The following ITSN2 variants were observed in gnomAD, a reference collection of about 807,000 sequenced individuals.
ITSN2 encodes intersectin 2, also known as intersectin-2.
Under a neutral mutation model 243.7 loss-of-function variants are expected in ITSN2, and 156 were observed. That is an observed-to-expected ratio of 0.64 (90% CI 0.56 to 0.73). ITSN2 has a LOEUF of 0.73. Ranked by LOEUF, ITSN2 falls within the 30% of genes least tolerant of loss-of-function variation. The probability of loss-of-function intolerance (pLI) is 0.00; values close to 1 mark genes in which losing one functional copy is unlikely to be tolerated. For missense variants in ITSN2, 1,801 were observed against 1,996.1 expected (o/e 0.90, Z 1.86); for synonymous variants, 703 against 699.9 (o/e 1.00, Z -0.07).
At chr2:24,299,858 C>A in intron 12 of ITSN2, 51 bp downstream of exon 12, 2 of 1,423,496 alleles carry the variant, frequency 1.4e-6, no homozygotes, top group South Asian at 1.3e-5. Flanking sequence ...GAAATATAGT[C>A]ACTTATTAAA....
Position 24,208,257 on chromosome 2 carries a change from T to C in ITSN2, c.4658A>G (p.Lys1553Arg), listed in dbSNP as rs140221202. The change falls in exon 37 of 40, where the codon AAG (lysine) becomes AGG (arginine). Residue 1553 changes from lysine to arginine, a missense_variant. Coordinates refer to ENST00000355123, the MANE Select transcript of ITSN2 (RefSeq NM_006277.3). Reference sequence around the variant, plus strand: ...GATACCTTGGTAAGCTTTCTCACGCTTCTTCTTCTCGGTGTCGATGTACTG... The same window carrying C: ...GATACCTTGGTAAGCTTTCTCACGCCTCTTCTTCTCGGTGTCGATGTACTG... ...SEQYIDTEKK[K>R]REKAYQARSQ... 1.9e-6 allele frequency: 3 copies of C among 1,611,484 alleles called. No homozygotes were observed. The African/African-American group carries it at 4.0e-5, about 22-fold the overall frequency.
intron 1 of ITSN2, among the ~76,000 whole-genome samples, chr2:24,329,498 C>T (rs1685539348): frequency 6.6e-6 from 1 of 152,092 alleles, no homozygotes; most frequent in Non-Finnish European, 1.5e-5. Context: ...GTCTTGAACT[C>T]CTGAGCTCAA....
At position 24,261,747 on chromosome 2, in the gene ITSN2, G is replaced by C. The variant is rs372048773; in HGVS notation, c.2356-5C>G. 12 of 1,605,048 alleles carry C rather than the reference G, an allele frequency of 7.5e-6. No individual in the cohort carries two copies. The highest frequency in any genetic ancestry group is 1.1e-5 in the South Asian group (1 of 90,150). On this transcript the variant is annotated splice_region_variant and splice_polypyrimidine_tract_variant and intron_variant, in intron 20 of 39. Coordinates refer to ENST00000355123, the MANE Select transcript of ITSN2 (RefSeq NM_006277.3). ...TCCTACGGTTTTTTCATCAACCTAC[G>C]GAAATAAAAAGAAGGATTAACAGTG... is the stretch of plus-strand genomic sequence containing the variant.
At chr2:24,278,645 CTTTTTTT>C (rs908928502) in intron 17 of ITSN2, among the ~76,000 whole-genome samples, 2 of 103,008 alleles carry the variant, frequency 1.9e-5, no homozygotes, top group Admixed American at 1.1e-4. Context: ...TGTTCTCAAT[CTTTTTTT>C]TTTTTTTTTT....
rs1674753159 is a variant in ITSN2, at chr2:24,254,405, T to C, written c.2915A>G (p.Asn972Ser). 3 of 1,612,500 alleles carry C rather than the reference T, an allele frequency of 1.9e-6. No individual in the cohort carries two copies. The highest frequency in any genetic ancestry group is 2.2e-5 in the East Asian group (1 of 44,790). Residue 972 changes from asparagine (N) to serine (S), a missense_variant, in exon 24 of 40, where the codon AAT becomes AGT. By Grantham distance (46) the Asn-to-Ser change is conservative. This residue lies in a region of ITSN2 where 928 missense variants were observed against 1,065.4 expected (regional missense o/e 0.87). Coordinates refer to ENST00000355123, the MANE Select transcript of ITSN2 (RefSeq NM_006277.3). ...EEPEALYAAV[N>S]KKPTSAAYSV... ...ATAGGCTGCCGAGGTAGGTTTCTTATTTACAGCTGCATACAAAGCTTCTGG... is the reference window on the plus strand; with the variant it reads ...ATAGGCTGCCGAGGTAGGTTTCTTACTTACAGCTGCATACAAAGCTTCTGG...
chr2:24,330,760 A>T, intron 1 of ITSN2: 1 of 520,286 alleles, frequency 1.9e-6, no homozygotes, highest in Non-Finnish European at 3.5e-6. Flanking sequence ...AAAATGCAGA[A>T]TTTCATTTTA....
At position 24,244,662 on chromosome 2, in the gene ITSN2, T is replaced by A. The variant is rs377712311; in HGVS notation, c.3577+1467A>T. 1.5e-3 allele frequency among the ~76,000 whole-genome samples: 236 copies of A among 152,276 alleles called. 6 individuals carry two copies. In the South Asian group the frequency reaches 0.048, roughly 31 times the overall value. On this transcript the variant is annotated intron_variant, in intron 29 of 39. Coordinates refer to ENST00000355123, the MANE Select transcript of ITSN2 (RefSeq NM_006277.3). ...AGATAAACTGGTTTCTAATTAATCATTGTGAACTGCCAAACCATCAGCAGA... is the reference window on the plus strand; with the variant it reads ...AGATAAACTGGTTTCTAATTAATCAATGTGAACTGCCAAACCATCAGCAGA...
In ITSN2 at chr2:24,223,450, G is replaced by A. The variant is rs537581416; in HGVS notation, c.3578-2384C>T. Among the ~76,000 whole-genome samples the A allele has an allele frequency of 9.2e-5, 14 of 151,950 alleles. No homozygotes were observed. In the South Asian group the frequency reaches 1.5e-3, roughly 16 times the overall value. ...TCCCAGCACTGTGGGAGGCTGAGGC[G>A]GGAGGATCACTTGTGCCTAGGAGTT... On this transcript the variant is annotated intron_variant, in intron 29 of 39. Transcript: ENST00000355123.
At chr2:24,221,756 G>A (rs938523150) in intron 29 of ITSN2, among the ~76,000 whole-genome samples, 1 of 152,162 alleles carries the variant, frequency 6.6e-6, no homozygotes, top group Non-Finnish European at 1.5e-5. Flanking sequence ...AGCCACAAAT[G>A]ACAGGAAAGT....
At chr2:24,265,629 T>C (rs1676570389) in intron 20 of ITSN2, among the ~76,000 whole-genome samples, 2 of 152,210 alleles carry the variant, frequency 1.3e-5, no homozygotes, top group Non-Finnish European at 2.9e-5. Context: ...TCCTAGCAGA[T>C]GTTGTCTCTC....
At position 24,328,397 on chromosome 2, in the gene ITSN2, T is replaced by C. The variant is rs1343003892; in HGVS notation, c.-33-282A>G. Among the ~76,000 whole-genome samples the C allele has an allele frequency of 2.0e-5, 3 of 151,828 alleles. No homozygotes were observed. The East Asian group carries it at 5.8e-4, about 29-fold the overall frequency. On this transcript the variant is annotated intron_variant, in intron 1 of 39. Transcript: ENST00000355123. ...GCATGAACCAACATTCTTGTAGAAA[T>C]TAATTTGGAAGAGAAAAAAATAAAT...
intron 17 of ITSN2, among the ~76,000 whole-genome samples, chr2:24,283,349 T>C (rs1355939520): frequency 6.6e-6 from 1 of 152,154 alleles, no homozygotes; most frequent in African/African-American, 2.4e-5. Flanking sequence ...CTCAGCTTCC[T>C]GAGTAGCTGG....
At chr2:24,227,469 AAAAG>A (rs1325874567) in intron 29 of ITSN2, among the ~76,000 whole-genome samples, 4 of 152,212 alleles carry the variant, frequency 2.6e-5, no homozygotes, top group African/African-American at 9.6e-5. Flanking sequence ...GTAGTCTATT[AAAAG>A]AAAGAATAAG....
chr2:24,264,182 G>A (rs1208820622), intron 20 of ITSN2, among the ~76,000 whole-genome samples: 5 of 151,886 alleles, frequency 3.3e-5, no homozygotes, highest in African/African-American at 7.3e-5. Flanking sequence ...ACCTGAGGTC[G>A]GGAGTTTGAG....
intron 1 of ITSN2, among the ~76,000 whole-genome samples, chr2:24,342,013 G>A (rs143945675): frequency 6.6e-6 from 1 of 152,270 alleles, no homozygotes; most frequent in African/African-American, 2.4e-5. Context: ...CCTAATGGAA[G>A]TTAGGGCCAG....
chr2:24,210,636 A>AAG, intron 34 of ITSN2, 144 bp downstream of exon 34: 2 of 582,206 alleles, frequency 3.4e-6, no homozygotes, highest in Non-Finnish European at 5.6e-6. Flanking sequence ...AAAAAAAAAG[A>AAG]AAAAAAAATG....
chr2:24,235,916 A>C (rs754729180), intron 29 of ITSN2, among the ~76,000 whole-genome samples: 5 of 152,212 alleles, frequency 3.3e-5, no homozygotes, highest in Non-Finnish European at 5.9e-5. Flanking sequence ...TGGCGGAAAT[A>C]GAAAATGGTG....
intron 33 of ITSN2, among the ~76,000 whole-genome samples, chr2:24,212,063 G>A (rs1388494698): frequency 6.6e-6 from 1 of 152,346 alleles, no homozygotes; most frequent in East Asian, 1.9e-4. Context: ...ATAATCTTTT[G>A]TAAAGTCTGC....
intron 29 of ITSN2, among the ~76,000 whole-genome samples, chr2:24,228,629 G>A (rs1327274083): frequency 6.6e-6 from 1 of 152,120 alleles, no homozygotes; most frequent in Non-Finnish European, 1.5e-5. Context: ...GTTAAAAATG[G>A]AAAGGTAACC....
Sources: gnomAD v4.1 joint callset for allele counts (sites outside exome capture counted in the v4.1 genomes callset) on GRCh38, gnomAD v4.1.1 for gene constraint, gnomAD v4.1.1 regional missense constraint, MANE v1.5 for transcripts, NCBI Gene and HGNC (gene_info 2026-07-23, HGNC 2026-07-21) for gene names.